The following BET1 variants were observed in gnomAD, a reference collection of about 807,000 sequenced individuals.
The protein encoded by BET1 is BET1 homolog.
In BET1, 9 loss-of-function variants were observed where a neutral mutation model predicts 13.9. The observed-to-expected ratio is 0.65, with a 90% CI of 0.39 to 1.13. BET1 has a LOEUF of 1.13. Among genes scored for constraint, BET1 ranks in the 50% most tolerant of loss-of-function variants. The pLI, the probability that BET1 is intolerant of heterozygous loss-of-function variation, is 0.01. For missense variants in BET1, 127 were observed against 133.6 expected (o/e 0.95, Z 0.24); for synonymous variants, 39 against 47.3 (o/e 0.82, Z 0.72).
chr7:93,976,032 G>T (rs1795329522), exon 5 of BET1: 1 of 1,279,056 alleles, frequency 7.8e-7, no homozygotes, highest in African/African-American at 1.5e-5. Context: ...AAATGCTGAG[G>T]AACAGTCAAA....
At chr7:93,965,910 A>T (rs1439707060) in intron 6 of BET1, among the ~76,000 whole-genome samples, 1 of 152,028 alleles carries the variant, frequency 6.6e-6, no homozygotes, top group Non-Finnish European at 1.5e-5. Flanking sequence ...TATTGCTTTT[A>T]AAGTTTTTAC....
At chr7:93,964,631 AC>A (rs1408041692) in exon 7 of BET1, 4 of 152,110 alleles carry the variant, frequency 2.6e-5, no homozygotes, top group Admixed American at 6.6e-5. Flanking sequence ...ACGCAAAAAA[AC>A]AACCCCATTA....
downstream of BET1, chr7:93,992,206 A>G (rs951808212): frequency 3.0e-6 from 3 of 985,410 alleles, no homozygotes; most frequent in Non-Finnish European, 3.6e-6. Flanking sequence ...AATAAAAATC[A>G]TAAGAAATGT....
intron 6 of BET1, among the ~76,000 whole-genome samples, chr7:93,969,994 C>T (rs1397809278): frequency 6.6e-6 from 1 of 151,646 alleles, no homozygotes; most frequent in African/African-American, 2.4e-5. Context: ...TTCTATATGC[C>T]TTTTTTGGTC....
intron 4 of BET1, among the ~76,000 whole-genome samples, chr7:93,980,663 T>C (rs192618116): frequency 5.9e-5 from 9 of 152,294 alleles, no homozygotes; most frequent in African/African-American, 2.2e-4. Context: ...AGCATTATAT[T>C]CAATGGGAAA....
At chr7:93,978,328 C>G (rs1334856656) in intron 4 of BET1, among the ~76,000 whole-genome samples, 2 of 152,178 alleles carry the variant, frequency 1.3e-5, no homozygotes, top group African/African-American at 2.4e-5. Flanking sequence ...CTTGGCCTCC[C>G]AAAGTGCTGG....
chr7:93,969,427 T>C (rs1211852187), intron 6 of BET1: 1 of 151,812 alleles, frequency 6.6e-6, no homozygotes, highest in East Asian at 1.9e-4. Flanking sequence ...AGTAAATAAT[T>C]GTAACTTGGC....
At chr7:93,985,165 T>C (rs1393071941) in intron 4 of BET1, among the ~76,000 whole-genome samples, 1 of 152,146 alleles carries the variant, frequency 6.6e-6, no homozygotes, top group African/African-American at 2.4e-5. Context: ...AAGTTAGAAA[T>C]ATGGCTACTG....
At position 93,993,251 on chromosome 7, in the gene BET1, C is replaced by A. The variant is rs929572808; in HGVS notation, c.*979G>T. The A allele has an allele frequency of 1.0e-6, 1 of 954,398 alleles. No individual in the cohort carries two copies. The highest frequency in any genetic ancestry group is 1.2e-6 in the Non-Finnish European group (1 of 802,080). The allele number at this position is 954,398 out of a possible 1,614,324, so 59.1% of individuals were successfully genotyped here. A position where few individuals can be genotyped will look rare whatever the true frequency, so the allele number is the denominator to read the frequency against. On this transcript the variant is annotated 3_prime_UTR_variant, in exon 4 of 4. Coordinates refer to ENST00000222547, the MANE Select transcript of BET1 (RefSeq NM_005868.6). ...AAGAGACTTAAAGAAGTAACACAGT[C>A]GACTAATATATTTTATTTAAAAATT...
intron 6 of BET1, among the ~76,000 whole-genome samples, chr7:93,965,933 C>T (rs933769877): frequency 1.3e-5 from 2 of 151,960 alleles, no homozygotes; most frequent in African/African-American, 4.8e-5. Flanking sequence ...ACCATGTGTA[C>T]TCTTAAGTCT....
At chr7:93,975,914 G>T in exon 5 of BET1, 2 of 1,135,116 alleles carry the variant, frequency 1.8e-6, no homozygotes, top group Non-Finnish European at 2.2e-6. Context: ...TTCTTTCTTG[G>T]AAGATTTGGA....
At chr7:93,970,281 T>G (rs1413966766) in intron 6 of BET1, among the ~76,000 whole-genome samples, 5 of 151,742 alleles carry the variant, frequency 3.3e-5, no homozygotes, top group African/African-American at 1.2e-4. Context: ...CTTTGGGAAA[T>G]GTACTCATTC....
chr7:93,982,910 G>T (rs1275768786), intron 4 of BET1, among the ~76,000 whole-genome samples: 1 of 152,150 alleles, frequency 6.6e-6, no homozygotes, highest in East Asian at 1.9e-4. Context: ...TGAGAAAAGA[G>T]TATGTACATT....
At chr7:93,966,183 T>C (rs1467470972) in intron 6 of BET1, among the ~76,000 whole-genome samples, 1 of 151,964 alleles carries the variant, frequency 6.6e-6, no homozygotes, top group Non-Finnish European at 1.5e-5. Flanking sequence ...CTATGGAGAA[T>C]TGATTGATTG....
At chr7:94,003,109 T>G (rs1795947062) in intron 1 of BET1, among the ~76,000 whole-genome samples, 1 of 152,196 alleles carries the variant, frequency 6.6e-6, no homozygotes, top group African/African-American at 2.4e-5. Context: ...ATAAATCTTT[T>G]TTGGTATTAA....
chr7:94,001,684 CA>C (rs1475360963), intron 1 of BET1, among the ~76,000 whole-genome samples: 1 of 152,130 alleles, frequency 6.6e-6, no homozygotes, highest in Non-Finnish European at 1.5e-5. Flanking sequence ...CTCTGTTAAC[CA>C]ATGATACTCT....
chr7:93,986,689 CAACAATGGAA>C (rs1294405540), intron 4 of BET1, among the ~76,000 whole-genome samples: 1 of 152,106 alleles, frequency 6.6e-6, no homozygotes, highest in Non-Finnish European at 1.5e-5. Context: ...TGGCTAAGGT[CAACAATGGAA>C]AACATATATA....
chr7:93,987,037 A>G (rs189576594), intron 4 of BET1: 172 of 152,252 alleles, frequency 1.1e-3, no homozygotes, highest in African/African-American at 3.9e-3. Context: ...CATAAGGACA[A>G]AATCAATCAC....
At chr7:93,978,548 A>T (rs1795376638) in intron 4 of BET1, among the ~76,000 whole-genome samples, 1 of 152,278 alleles carries the variant, frequency 6.6e-6, no homozygotes, top group Non-Finnish European at 1.5e-5. Context: ...ACTCTGTAAG[A>T]ATTTGCCTTT....
Sources: allele counts gnomAD v4.1 joint callset (sites outside exome capture counted in the v4.1 genomes callset), GRCh38; gene constraint gnomAD v4.1.1; transcripts MANE v1.5; gene names NCBI Gene and HGNC (gene_info 2026-07-23, HGNC 2026-07-21).